The following FAM135A variants were observed in gnomAD, a reference collection of about 807,000 sequenced individuals.
The protein encoded by FAM135A is protein FAM135A.
A neutral mutation model predicts 146.8 loss-of-function variants in FAM135A; 79 were observed. That is an observed-to-expected ratio of 0.54 (90% CI 0.45 to 0.65). The LOEUF (loss-of-function observed/expected upper bound fraction) is 0.65. Among genes scored for constraint, FAM135A ranks in the 30% least tolerant of loss-of-function variants. The probability of loss-of-function intolerance (pLI) is 0.00; values close to 1 mark genes in which losing one functional copy is unlikely to be tolerated. For missense variants in FAM135A, 1,623 were observed against 1,758.2 expected (o/e 0.92, Z 1.38); for synonymous variants, 562 against 603.6 (o/e 0.93, Z 1.01).
chr6:70,447,968 T>C (rs1193845768), intron 4 of FAM135A, among the ~76,000 whole-genome samples: 1 of 152,150 alleles, frequency 6.6e-6, no homozygotes, highest in East Asian at 1.9e-4. Context: ...CGACTAAATA[T>C]GCTTTCCCGA....
chr6:70,466,366 A>G (rs772565140), intron 5 of FAM135A, among the ~76,000 whole-genome samples: 18 of 152,180 alleles, frequency 1.2e-4, no homozygotes, highest in Non-Finnish European at 2.4e-4. Flanking sequence ...TTTTGTCAGT[A>G]TAACTATATT....
At chr6:70,457,835 A>C (rs1487351310) in intron 5 of FAM135A, among the ~76,000 whole-genome samples, 1 of 151,970 alleles carries the variant, frequency 6.6e-6, no homozygotes, top group African/African-American at 2.4e-5. Context: ...AAATGCCCAA[A>C]TAGAGTACCT....
At chr6:70,530,040 G>T (rs1341385170) in intron 16 of FAM135A, among the ~76,000 whole-genome samples, 1 of 151,924 alleles carries the variant, frequency 6.6e-6, no homozygotes, top group African/African-American at 2.4e-5. Flanking sequence ...CTTCAGCCTG[G>T]GCTACAGACT....
At chr6:70,432,488 T>C (rs1248857080) in intron 4 of FAM135A, among the ~76,000 whole-genome samples, 2 of 150,682 alleles carry the variant, frequency 1.3e-5, no homozygotes, top group Non-Finnish European at 3.0e-5. Context: ...TTTGCAACTT[T>C]CTGTCTTTCT....
intron 4 of FAM135A, among the ~76,000 whole-genome samples, chr6:70,449,836 A>G (rs1280477951): frequency 3.9e-5 from 6 of 152,164 alleles, no homozygotes; most frequent in Non-Finnish European, 5.9e-5. Context: ...AGGAACCTCT[A>G]TAATGTTTTC....
intron 5 of FAM135A, among the ~76,000 whole-genome samples, chr6:70,473,376 T>C (rs1781980433): frequency 6.6e-6 from 1 of 152,174 alleles, no homozygotes; most frequent in Non-Finnish European, 1.5e-5. Flanking sequence ...AGATAGTAAG[T>C]ACATTATATA....
chr6:70,540,476 C>T (rs1489427916), intron 20 of FAM135A, among the ~76,000 whole-genome samples: 1 of 151,994 alleles, frequency 6.6e-6, no homozygotes, highest in East Asian at 1.9e-4. Context: ...AGGCGCCCGC[C>T]ACCACGCCCA....
chr6:70,521,740 G>A (rs770280495), intron 12 of FAM135A, among the ~76,000 whole-genome samples: 1 of 152,158 alleles, frequency 6.6e-6, no homozygotes, highest in Non-Finnish European at 1.5e-5. Context: ...TTTTGCTCCA[G>A]TAGCTGACAA....
chr6:70,440,997 A>T (rs1774332595), intron 4 of FAM135A, among the ~76,000 whole-genome samples: 1 of 152,206 alleles, frequency 6.6e-6, no homozygotes, highest in South Asian at 2.1e-4. Flanking sequence ...AGTTACTTGT[A>T]TTCAGAATAT....
intron 4 of FAM135A, among the ~76,000 whole-genome samples, chr6:70,451,512 A>G (rs1213138103): frequency 6.6e-6 from 1 of 152,156 alleles, no homozygotes; most frequent in Admixed American, 6.6e-5. Flanking sequence ...TTAACAAGTC[A>G]TCTAACTTTA....
intron 14 of FAM135A, 101 bp from the exon 15 acceptor site, chr6:70,524,242 T>C: frequency 2.2e-6 from 3 of 1,385,148 alleles, no homozygotes; most frequent in Admixed American, 3.0e-5. Context: ...GTTTTATTTA[T>C]GTTTGAGGAT....
intron 5 of FAM135A, among the ~76,000 whole-genome samples, chr6:70,465,611 C>T (rs950551706): frequency 6.6e-6 from 1 of 152,088 alleles, no homozygotes; most frequent in Non-Finnish European, 1.5e-5. Context: ...AACTCCTGGA[C>T]TCAACTGTTC....
At chr6:70,531,036 A>G (rs1048683093) in intron 16 of FAM135A, among the ~76,000 whole-genome samples, 1 of 152,230 alleles carries the variant, frequency 6.6e-6, no homozygotes, top group Non-Finnish European at 1.5e-5. Flanking sequence ...CTGTAAGATG[A>G]ATGCCTAATG....
intron 12 of FAM135A, among the ~76,000 whole-genome samples, chr6:70,510,125 C>T (rs1036716587): frequency 3.9e-5 from 6 of 152,056 alleles, no homozygotes; most frequent in Middle Eastern, 6.8e-3. Context: ...ACTAAGTATG[C>T]TGCCGTTGGT....
intron 4 of FAM135A, among the ~76,000 whole-genome samples, chr6:70,441,100 T>A (rs893714620): frequency 1.3e-5 from 2 of 152,182 alleles, no homozygotes; most frequent in Non-Finnish European, 2.9e-5. Context: ...CTGATAATAT[T>A]GTGTCACTAT....
intron 20 of FAM135A, among the ~76,000 whole-genome samples, chr6:70,552,465 CTTTTTTTTTTTT>C (rs35509125): frequency 2.1e-5 from 2 of 96,834 alleles, no homozygotes; most frequent in African/African-American, 8.4e-5. Context: ...GTTGAAGATT[CTTTTTTTTTTTT>C]TTTTTTTTTG....
chr6:70,433,160 C>T (rs1487180486), intron 4 of FAM135A, among the ~76,000 whole-genome samples: 7 of 151,740 alleles, frequency 4.6e-5, no homozygotes, highest in Non-Finnish European at 8.8e-5. Flanking sequence ...CTGCAAGCTC[C>T]GCCTCCCGGG....
chr6:70,505,504 T>G (rs998001662), intron 12 of FAM135A, among the ~76,000 whole-genome samples: 1 of 152,164 alleles, frequency 6.6e-6, no homozygotes, highest in Non-Finnish European at 1.5e-5. Flanking sequence ...GGTGATTAGA[T>G]TAAGATGACA....
At chr6:70,458,007 A>G (rs1220148475) in intron 5 of FAM135A, among the ~76,000 whole-genome samples, 1 of 152,178 alleles carries the variant, frequency 6.6e-6, no homozygotes, top group Non-Finnish European at 1.5e-5. Flanking sequence ...TTTAAAGGAA[A>G]TATCTTTTAA....
Sources: gnomAD v4.1 joint callset for allele counts (sites outside exome capture counted in the v4.1 genomes callset) on GRCh38, gnomAD v4.1.1 for gene constraint, MANE v1.5 for transcripts, NCBI Gene and HGNC (gene_info 2026-07-23, HGNC 2026-07-21) for gene names.